Variants in VPS53 observed in about 807,000 individuals in gnomAD.
VPS53 encodes VPS53 subunit of GARP complex.
A neutral mutation model predicts 107.0 loss-of-function variants in VPS53; 70 were observed. The ratio of observed to expected loss-of-function variants is 0.65; its 90% CI spans 0.54 to 0.80. The LOEUF (loss-of-function observed/expected upper bound fraction) is 0.80, where lower values mean the gene tolerates loss of function less well. Ranked by LOEUF, VPS53 falls within the 30% of genes least tolerant of loss-of-function variation. VPS53 has a pLI of 0.00. For synonymous variants in VPS53, 409 were observed against 393.3 expected (o/e 1.04, Z -0.47); for missense variants, 917 against 1,049.4 (o/e 0.87, Z 1.74).
intron 7 of VPS53, among the ~76,000 whole-genome samples, chr17:636,248 A>G (rs949281624): frequency 1.3e-5 from 2 of 152,052 alleles, no homozygotes; most frequent in Admixed American, 6.5e-5. Context: ...AATGCTTGTG[A>G]TTTTTGCACA....
rs1908544016 is a variant in VPS53 at position 519,338 on chromosome 17, G to A, written c.2329-40C>T. 3.5e-6 allele frequency: 5 copies of A among 1,446,024 alleles called. No individual in the cohort carries two copies. Among genetic ancestry groups the A allele is most frequent in the Admixed American group, 5.8e-5 (2 of 34,274 alleles). 89.6% of individuals were successfully genotyped at this position (1,446,024 alleles called of 1,614,324 possible). On this transcript the variant is annotated intron_variant, in intron 21 of 21. Coordinates refer to ENST00000437048, the MANE Select transcript of VPS53 (RefSeq NM_001128159.3). This position sits in a 1 kb window ranked among gnomAD's most constrained non-coding sequence, Gnocchi z 5.0. Reference sequence around the variant, plus strand: ...GAAACAGAACCGTCACGAAGTCTGGGCCAGAATGGCCCACGGGGGACAGCG... The same window carrying A: ...GAAACAGAACCGTCACGAAGTCTGGACCAGAATGGCCCACGGGGGACAGCG...
At chr17:660,599 T>G (rs1450974670) in intron 5 of VPS53, among the ~76,000 whole-genome samples, 1 of 151,930 alleles carries the variant, frequency 6.6e-6, no homozygotes, top group Non-Finnish European at 1.5e-5. Context: ...CTTCACGCTT[T>G]GAGGGCCCCT....
chr17:535,761 T>C (rs1328066906), intron 18 of VPS53, among the ~76,000 whole-genome samples: 1 of 152,206 alleles, frequency 6.6e-6, no homozygotes, highest in Non-Finnish European at 1.5e-5. Context: ...CCATCTGCCA[T>C]CTGCAAACAT....
At position 690,357 on chromosome 17, in the gene VPS53, T is replaced by C. The variant is rs1024588192; in HGVS notation, c.285+7061A>G. Among the ~76,000 whole-genome samples, 3 of 152,356 alleles carry C rather than the reference T, an allele frequency of 2.0e-5. No individual in the cohort carries two copies. The East Asian group carries it at 5.8e-4, about 29-fold the overall frequency. On this transcript the variant is annotated intron_variant, in intron 4 of 21. Coordinates refer to ENST00000437048, the MANE Select transcript of VPS53 (RefSeq NM_001128159.3). ...GGGACAGTACTGGCCCACAGATGTG[T>C]TTTGTTTGCCCTTTGCAGTGTTTGT...
chr17:655,744 A>G, intron 6 of VPS53, 94 bp downstream of exon 6: 2 of 1,197,518 alleles, frequency 1.7e-6, no homozygotes, highest in East Asian at 5.2e-5. Context: ...GGATGGTGAG[A>G]CTTTCCTGGC....
intron 7 of VPS53, among the ~76,000 whole-genome samples, chr17:643,104 C>G (rs1355489666): frequency 4.2e-5 from 5 of 120,356 alleles, no homozygotes; most frequent in Non-Finnish European, 7.7e-5. Flanking sequence ...TACTTGGAAA[C>G]CGAGGACAAC....
chr17:682,389 A>G (rs570924428), intron 4 of VPS53, among the ~76,000 whole-genome samples: 1 of 152,328 alleles, frequency 6.6e-6, no homozygotes, highest in South Asian at 2.1e-4. Flanking sequence ...TCTTGAACCT[A>G]GCAGAGAGCT....
At chr17:565,399 A>T (rs1913398865) in intron 13 of VPS53, among the ~76,000 whole-genome samples, 1 of 72,158 alleles carries the variant, frequency 1.4e-5, no homozygotes, top group Non-Finnish European at 2.6e-5. Flanking sequence ...GCGAAACCCC[A>T]TCTCAAAAAA....
intron 15 of VPS53, among the ~76,000 whole-genome samples, chr17:559,427 G>A (rs1912739305): frequency 6.6e-6 from 1 of 152,198 alleles, no homozygotes; most frequent in Admixed American, 6.5e-5. Flanking sequence ...CTTACAGATA[G>A]TGCCATCTTA....
chr17:519,696 G>C lies in VPS53; in HGVS notation c.2328+130C>G. The stretch of plus-strand genomic sequence containing the variant: ...CTCCTCCAGAGGCTTCTCTGAATCC[G>C]GTTTGCTCTGTGGAGCCAGGCACAT... On this transcript the variant is annotated intron_variant, in intron 21 of 21. Coordinates refer to ENST00000437048, the MANE Select transcript of VPS53 (RefSeq NM_001128159.3). The surrounding 1 kb of genome is among the most constrained non-coding windows in gnomAD (Gnocchi z 5.0). 1 of 729,116 alleles carries C rather than the reference G, an allele frequency of 1.4e-6. No homozygotes were observed. Among genetic ancestry groups the C allele is most frequent in the Non-Finnish European group, 2.3e-6 (1 of 428,714 alleles). The allele number at this position is 729,116 out of a possible 1,614,324, so 45.2% of individuals were successfully genotyped here.
At chr17:631,231 G>A (rs375562283) in intron 8 of VPS53, among the ~76,000 whole-genome samples, 8 of 151,482 alleles carry the variant, frequency 5.3e-5, no homozygotes, top group East Asian at 1.9e-4. Context: ...AAAACACCGC[G>A]GCATGAAGAT....
At chr17:582,402 C>T (rs192341977) in intron 13 of VPS53, among the ~76,000 whole-genome samples, 1 of 147,960 alleles carries the variant, frequency 6.8e-6, no homozygotes, top group East Asian at 2.4e-4. Context: ...CAGAGAACCT[C>T]CCTCAGGACC....
At chr17:634,570 G>A (rs1403176560) in intron 7 of VPS53, among the ~76,000 whole-genome samples, 6 of 108,148 alleles carry the variant, frequency 5.5e-5, no homozygotes, top group South Asian at 5.8e-4. Flanking sequence ...AACAGGCCCC[G>A]GTGTGTGATG....
Position 519,929 on chromosome 17 carries a change from A to T in VPS53, c.2225T>A (p.Val742Glu). Residue 742 changes from valine to glutamate, a missense_variant and splice_region_variant, in exon 21 of 22, where the codon GTA becomes GAA. Coordinates refer to ENST00000437048, the MANE Select transcript of VPS53 (RefSeq NM_001128159.3). The surrounding 1 kb of genome is among the most constrained non-coding windows in gnomAD (Gnocchi z 5.0). Reference protein sequence around the residue: ...GMTRAEMILKVVMAPHEPLVV... With the variant: ...GMTRAEMILKEVMAPHEPLVV... ...CAACGGTTCATGAGGGGCCATCACT[A>T]CCTACAGCGGGAGGAGACAGGAGCA... 1 of 1,550,542 alleles carries T rather than the reference A, an allele frequency of 6.4e-7. No individual in the cohort carries two copies. The highest frequency in any genetic ancestry group is 8.7e-7 in the Non-Finnish European group (1 of 1,146,032).
Position 689,627 on chromosome 17 carries a change from C to A in VPS53, c.285+7791G>T, listed in dbSNP as rs550980172. The stretch of plus-strand genomic sequence containing the variant: ...TAGCTGGGACTACAGGCACGCACCA[C>A]TGCATCTGGCTAATTTTTGTATTTT... On this transcript the variant is annotated intron_variant, in intron 4 of 21. Transcript: ENST00000437048. 4.4e-4 allele frequency among the ~76,000 whole-genome samples: 67 copies of A among 152,130 alleles called. 1 individual carries two copies. In the South Asian group the frequency reaches 0.013, roughly 30 times the overall value.
chr17:629,171 AAGTGTT>A (rs1197542175), intron 8 of VPS53, among the ~76,000 whole-genome samples: 2 of 152,148 alleles, frequency 1.3e-5, no homozygotes, highest in African/African-American at 2.4e-5. Flanking sequence ...CACGCTTCTA[AAGTGTT>A]ATATAAGCTG....
At chr17:713,811 G>C (rs535291598) in intron 1 of VPS53, among the ~76,000 whole-genome samples, 1 of 152,022 alleles carries the variant, frequency 6.6e-6, no homozygotes, top group South Asian at 2.1e-4. Context: ...AGGCCAAGGC[G>C]GGCGGGTTAC....
chr17:698,823 T>C (rs534675035), intron 3 of VPS53, among the ~76,000 whole-genome samples: 8 of 152,330 alleles, frequency 5.3e-5, no homozygotes, highest in East Asian at 3.8e-4. Flanking sequence ...GTATGAAGAA[T>C]TGAAGACTGG....
chr17:542,106 TG>T (rs1403194341), intron 17 of VPS53, among the ~76,000 whole-genome samples: 1 of 149,408 alleles, frequency 6.7e-6, no homozygotes, highest in African/African-American at 2.5e-5. Context: ...TACTACGCAC[TG>T]GGCGCTGAAG....
Sources: allele counts gnomAD v4.1 joint callset (sites outside exome capture counted in the v4.1 genomes callset), GRCh38; gene constraint gnomAD v4.1.1; non-coding constraint Gnocchi (gnomAD v3.1); transcripts MANE v1.5; gene names NCBI Gene and HGNC (gene_info 2026-07-23, HGNC 2026-07-21).